The following IPO11 variants were observed in gnomAD, a reference collection of about 807,000 sequenced individuals.
The protein encoded by IPO11 is importin-11.
IPO11 carries 66 observed loss-of-function variants against 143.2 expected under a neutral mutation model. That is an observed-to-expected ratio of 0.46 (90% CI 0.38 to 0.57). The LOEUF is 0.57. Among genes scored for constraint, IPO11 ranks in the 20% least tolerant of loss-of-function variants. The pLI is 0.00. For synonymous variants in IPO11, 385 were observed against 377.8 expected, an observed-to-expected ratio of 1.02 and a Z score of -0.22; for missense variants, 1,026 against 1,141.0, an observed-to-expected ratio of 0.90 and a Z score of 1.45.
At chr5:62,569,492 C>G (rs1170916493) in intron 27 of IPO11, among the ~76,000 whole-genome samples, 3 of 152,186 alleles carry the variant, frequency 2.0e-5, no homozygotes, top group Non-Finnish European at 4.4e-5. Context: ...TGCCTGTTCT[C>G]TGAGTAGTTG....
intron 16 of IPO11, among the ~76,000 whole-genome samples, chr5:62,497,656 A>G (rs539821639): frequency 2.5e-4 from 38 of 152,148 alleles, no homozygotes; most frequent in Admixed American, 1.4e-3. Context: ...TTTTGTATAG[A>G]CGAGGTCTCA....
intron 19 of IPO11, among the ~76,000 whole-genome samples, chr5:62,507,438 T>C (rs1225593077): frequency 6.6e-6 from 1 of 152,180 alleles, no homozygotes; most frequent in Non-Finnish European, 1.5e-5. Context: ...ACAGAGTTCA[T>C]TGCAACTGTT....
At chr5:62,580,713 C>T (rs1188096075) in intron 27 of IPO11, 3 of 1,551,420 alleles carry the variant, frequency 1.9e-6, no homozygotes, top group East Asian at 2.4e-5. Flanking sequence ...ATATTCATCA[C>T]AAGACTACTG....
At chr5:62,562,786 T>C (rs1225657790) in intron 27 of IPO11, among the ~76,000 whole-genome samples, 1 of 152,254 alleles carries the variant, frequency 6.6e-6, no homozygotes, top group East Asian at 1.9e-4. Flanking sequence ...TATGGTAATT[T>C]GTATTAAGGA....
chr5:62,533,292 A>G (rs1019408574), intron 22 of IPO11, among the ~76,000 whole-genome samples: 1 of 150,680 alleles, frequency 6.6e-6, no homozygotes, highest in Non-Finnish European at 1.5e-5. Flanking sequence ...GCTCACTGCA[A>G]CCTCCGTCTC....
At chr5:62,427,088 C>A (rs900233923) in intron 1 of IPO11, among the ~76,000 whole-genome samples, 3 of 151,740 alleles carry the variant, frequency 2.0e-5, no homozygotes, top group African/African-American at 7.3e-5. Flanking sequence ...CAGGCGCCCG[C>A]CACCACACCT....
chr5:62,565,993 G>A (rs1743924973), intron 27 of IPO11, among the ~76,000 whole-genome samples: 1 of 152,144 alleles, frequency 6.6e-6, no homozygotes, highest in Non-Finnish European at 1.5e-5. Flanking sequence ...ATTCCATGGT[G>A]TATATGTGCC....
At chr5:62,598,383 G>GCTTTCTTTCTTTCTTTCTTT (rs1491250089) in intron 28 of IPO11, among the ~76,000 whole-genome samples, 1 of 27,342 alleles carries the variant, frequency 3.7e-5, no homozygotes, top group Non-Finnish European at 6.3e-5. Context: ...TTGTTTGCTT[G>GCTTTCTTTCTTTCTTTCTTT]CTTGCTTGCT....
At chr5:62,578,863 T>G (rs1213352315) in intron 27 of IPO11, 5 of 314,540 alleles carry the variant, frequency 1.6e-5, no homozygotes, top group African/African-American at 9.0e-5. Context: ...TTAAGAAATG[T>G]CGTTCTTCAG....
At chr5:62,416,318 G>A (rs1475189190) in intron 1 of IPO11, among the ~76,000 whole-genome samples, 2 of 151,668 alleles carry the variant, frequency 1.3e-5, no homozygotes, top group East Asian at 3.9e-4. Context: ...GAGTAGTTGG[G>A]ATTACAGGCG....
At chr5:62,520,194 G>C (rs967331398) in intron 20 of IPO11, among the ~76,000 whole-genome samples, 1 of 152,196 alleles carries the variant, frequency 6.6e-6, no homozygotes, top group Non-Finnish European at 1.5e-5. Context: ...ACCTAGATTA[G>C]TGGTTGAATA....
At chr5:62,472,071 T>C (rs1301684740) in intron 7 of IPO11, among the ~76,000 whole-genome samples, 1 of 152,216 alleles carries the variant, frequency 6.6e-6, no homozygotes, top group East Asian at 1.9e-4. Flanking sequence ...GACAACTCCT[T>C]TTCAATTCCC....
chr5:62,620,715 A>G (rs537030091), intron 29 of IPO11, among the ~76,000 whole-genome samples: 49 of 152,302 alleles, frequency 3.2e-4, no homozygotes, highest in African/African-American at 1.2e-3. Flanking sequence ...TGAAGCCTCC[A>G]GGTGGCAGGC....
chr5:62,454,117 A>G (rs1745037935), intron 5 of IPO11, among the ~76,000 whole-genome samples: 1 of 152,224 alleles, frequency 6.6e-6, no homozygotes, highest in Non-Finnish European at 1.5e-5. Flanking sequence ...CCTGGGTGAC[A>G]GAGCGAGACT....
intron 24 of IPO11, among the ~76,000 whole-genome samples, chr5:62,548,148 C>G (rs1743270979): frequency 6.6e-6 from 1 of 152,168 alleles, no homozygotes. Flanking sequence ...CATGATTCCT[C>G]TATTTCTTCT....
chr5:62,528,981 A>C (rs560870791), intron 21 of IPO11, among the ~76,000 whole-genome samples: 1 of 152,130 alleles, frequency 6.6e-6, no homozygotes, highest in Non-Finnish European at 1.5e-5. Flanking sequence ...TAGGCTTTTC[A>C]AAAACAACCT....
Position 62,473,068 on chromosome 5 carries a change from T to A in IPO11, c.709-1348T>A, listed in dbSNP as rs555018211. Among the ~76,000 whole-genome samples, 4 of 152,322 alleles carry A rather than the reference T, an allele frequency of 2.6e-5. No individual in the cohort carries two copies. The South Asian group carries it at 8.3e-4, about 32-fold the overall frequency. On this transcript the variant is annotated intron_variant, in intron 7 of 29. Coordinates refer to ENST00000325324, the MANE Select transcript of IPO11 (RefSeq NM_016338.5). ...TAATTGAAACCTTTTGCTGTTTCATTGTTCTGTTGTTACTTTTCATTATCA... is the reference window on the plus strand; with the variant it reads ...TAATTGAAACCTTTTGCTGTTTCATAGTTCTGTTGTTACTTTTCATTATCA...
intron 19 of IPO11, among the ~76,000 whole-genome samples, chr5:62,514,081 G>A (rs1441890645): frequency 1.3e-5 from 2 of 151,144 alleles, no homozygotes; most frequent in African/African-American, 2.4e-5. Context: ...GATGGCGGCC[G>A]GGCAGAGACG....
At position 62,431,138 on chromosome 5, in the gene IPO11, C is replaced by T. The variant is rs567838902; in HGVS notation, c.-6-6136C>T. On this transcript the variant is annotated intron_variant, in intron 1 of 29. Transcript: ENST00000325324. ...ACTACAGGCATGTGCTACGGTACGCCTGGCTAATTTTTTATATTTTTAGTA... is the reference window on the plus strand; with the variant it reads ...ACTACAGGCATGTGCTACGGTACGCTTGGCTAATTTTTTATATTTTTAGTA... Among the ~76,000 whole-genome samples the T allele has an allele frequency of 2.0e-5, 3 of 151,984 alleles. 1 individual carries two copies. In the South Asian group the frequency reaches 6.2e-4, roughly 32 times the overall value.
Sources: allele counts gnomAD v4.1 joint callset (sites outside exome capture counted in the v4.1 genomes callset), GRCh38; gene constraint gnomAD v4.1.1; transcripts MANE v1.5; gene names NCBI Gene and HGNC (gene_info 2026-07-23, HGNC 2026-07-21).